Variants in GABRB1 observed in about 807,000 individuals in gnomAD.
The protein encoded by GABRB1 is gamma-aminobutyric acid receptor subunit beta-1.
In GABRB1, 17 loss-of-function variants were observed where a neutral mutation model predicts 51.6. The observed-to-expected ratio is 0.33, with a 90% CI of 0.23 to 0.49. The LOEUF is 0.49. GABRB1 is among the 20% of genes least tolerant of loss of function. The pLI, the probability that GABRB1 is intolerant of heterozygous loss-of-function variation, is 0.99. For synonymous variants in GABRB1, 247 were observed against 218.9 expected (o/e 1.13, Z -1.14); for missense variants, 410 against 600.6 (o/e 0.68, Z 3.32).
At chr4:47,341,825 G>A (rs763340362) in intron 5 of GABRB1, among the ~76,000 whole-genome samples, 3 of 152,046 alleles carry the variant, frequency 2.0e-5, no homozygotes, top group Non-Finnish European at 4.4e-5. Flanking sequence ...CAATAAATAG[G>A]TCACCTGGTC....
rs1578038141 is a variant in GABRB1 at position 47,254,366 on chromosome 4, T to G, written c.462-65761T>G. On this transcript the variant is annotated intron_variant, in intron 4 of 8. Coordinates refer to ENST00000295454, the MANE Select transcript of GABRB1 (RefSeq NM_000812.4). The stretch of plus-strand genomic sequence containing the variant: ...GGATGATGTTTCTTTTCTTTGTTTT[T>G]TTTTTTTTTTTTTTTTTTTTTTTTT... 1.7e-4 allele frequency among the ~76,000 whole-genome samples: 14 copies of G among 80,192 alleles called. 2 individuals are homozygous for G. In the South Asian group the frequency reaches 1.8e-3, roughly 10 times the overall value. 52.6% of individuals were successfully genotyped at this position (80,192 alleles called of 152,430 possible).
intron 4 of GABRB1, among the ~76,000 whole-genome samples, chr4:47,291,748 T>C (rs566359499): frequency 1.1e-4 from 16 of 152,306 alleles, no homozygotes; most frequent in African/African-American, 3.6e-4. Flanking sequence ...ATTTCAGACT[T>C]GCATGGACCC....
chr4:47,169,056 T>C (rs1433247048), intron 4 of GABRB1, among the ~76,000 whole-genome samples: 1 of 152,088 alleles, frequency 6.6e-6, no homozygotes, highest in African/African-American at 2.4e-5. Flanking sequence ...CTCTAAAGAC[T>C]CTATTTTCAA....
At chr4:47,312,037 TTGTGTGTGTGTGTGTG>T (rs36206411) in intron 4 of GABRB1, among the ~76,000 whole-genome samples, 2 of 140,760 alleles carry the variant, frequency 1.4e-5, no homozygotes, top group Non-Finnish European at 3.3e-5. Flanking sequence ...TACCCAAGGC[TTGTGTGTGTGTGTGTG>T]TGTGTGTGTG....
At chr4:47,294,506 G>C (rs1723886376) in intron 4 of GABRB1, among the ~76,000 whole-genome samples, 1 of 152,238 alleles carries the variant, frequency 6.6e-6, no homozygotes, top group African/African-American at 2.4e-5. Context: ...CTCATTGCTA[G>C]CACAGCAGTC....
chr4:47,128,375 T>C (rs1264757794), intron 3 of GABRB1, among the ~76,000 whole-genome samples: 1 of 151,772 alleles, frequency 6.6e-6, no homozygotes, highest in Non-Finnish European at 1.5e-5. Flanking sequence ...GAGGAAATAA[T>C]AAAGGTAGAA....
At chr4:47,349,823 A>G (rs184285874) in intron 5 of GABRB1, among the ~76,000 whole-genome samples, 2 of 152,316 alleles carry the variant, frequency 1.3e-5, no homozygotes, top group Admixed American at 6.5e-5. Flanking sequence ...ATAGATTTTG[A>G]TTCCCAGCTC....
At chr4:47,287,183 G>T (rs1289753244) in intron 4 of GABRB1, among the ~76,000 whole-genome samples, 1 of 152,192 alleles carries the variant, frequency 6.6e-6, no homozygotes, top group Non-Finnish European at 1.5e-5. Context: ...GAATTCAGGT[G>T]CTGAGGTTCT....
intron 3 of GABRB1, among the ~76,000 whole-genome samples, chr4:47,081,664 T>C (rs767088041): frequency 1.6e-4 from 24 of 152,112 alleles, no homozygotes; most frequent in Non-Finnish European, 2.9e-4. Context: ...TTTAATATGT[T>C]TTTATGTTTT....
chr4:47,289,066 T>A (rs997962478), intron 4 of GABRB1, among the ~76,000 whole-genome samples: 6 of 152,160 alleles, frequency 3.9e-5, no homozygotes, highest in Non-Finnish European at 7.3e-5. Flanking sequence ...AGTTTGTTTT[T>A]TGCTTCTGAG....
intron 5 of GABRB1, among the ~76,000 whole-genome samples, chr4:47,325,645 A>G (rs1028501046): frequency 3.9e-5 from 6 of 152,010 alleles, no homozygotes; most frequent in South Asian, 2.1e-4. Context: ...CTCATATCCC[A>G]TCATCATAAC....
At chr4:47,207,136 A>G (rs1163887798) in intron 4 of GABRB1, among the ~76,000 whole-genome samples, 1 of 151,964 alleles carries the variant, frequency 6.6e-6, no homozygotes, top group African/African-American at 2.4e-5. Flanking sequence ...TCAATTATTT[A>G]ACAGGACATT....
rs6289 is a variant in GABRB1, at chr4:47,406,692, A to C, written c.846A>C (p.Thr282=). The stretch of plus-strand genomic sequence containing the variant: ...CTTTCTCTTTCACAGGAATCACGAC[A>C]GTGCTTACAATGACAACCATCAGCA... ...SAARVALGIT[T]VLTMTTISTH... is the part of the protein sequence containing the mutation. The change falls in exon 8 of 9, where the codon ACA becomes ACC. Residue 282 remains threonine, a synonymous_variant. Coordinates refer to ENST00000295454, the MANE Select transcript of GABRB1 (RefSeq NM_000812.4). The C allele has an allele frequency of 6.2e-7, 1 of 1,613,672 alleles. No individual in the cohort carries two copies. Among genetic ancestry groups the C allele is most frequent in the African/African-American group, 1.3e-5 (1 of 74,866 alleles).
intron 5 of GABRB1, among the ~76,000 whole-genome samples, chr4:47,350,214 T>TAGAGAGAGAGAGAG (rs1477528549): frequency 5.0e-5 from 4 of 79,722 alleles, no homozygotes; most frequent in East Asian, 5.0e-4. Flanking sequence ...TATATATATA[T>TAGAGAGAGAGAGAG]ATATAGAGAG....
chr4:47,077,277 TC>T (rs1035203321), intron 3 of GABRB1, among the ~76,000 whole-genome samples: 43 of 152,306 alleles, frequency 2.8e-4, no homozygotes, highest in African/African-American at 9.9e-4. Context: ...ACACCCTTAT[TC>T]CTTAGCTTGT....
intron 4 of GABRB1, among the ~76,000 whole-genome samples, chr4:47,282,674 C>T (rs1723337799): frequency 6.6e-6 from 1 of 152,116 alleles, no homozygotes; most frequent in African/African-American, 2.4e-5. Flanking sequence ...CTTAACCATA[C>T]TTCTGATTAC....
chr4:47,344,974 C>T (rs1189896177), intron 5 of GABRB1, among the ~76,000 whole-genome samples: 1 of 152,172 alleles, frequency 6.6e-6, no homozygotes, highest in African/African-American at 2.4e-5. Context: ...CCGCCTGCCT[C>T]AGCCTCCCAA....
chr4:47,204,330 T>C (rs897191372), intron 4 of GABRB1, among the ~76,000 whole-genome samples: 3 of 152,126 alleles, frequency 2.0e-5, no homozygotes, highest in Non-Finnish European at 2.9e-5. Flanking sequence ...ACAGCACTAA[T>C]TGGACAAATG....
chr4:47,261,134 T>C (rs1373126746), intron 4 of GABRB1, among the ~76,000 whole-genome samples: 1 of 152,172 alleles, frequency 6.6e-6, no homozygotes, highest in Non-Finnish European at 1.5e-5. Context: ...CTTTGAAAAC[T>C]GGCACAAGAC....
Sources: allele counts gnomAD v4.1 joint callset (sites outside exome capture counted in the v4.1 genomes callset), GRCh38; gene constraint gnomAD v4.1.1; transcripts MANE v1.5; gene names NCBI Gene and HGNC (gene_info 2026-07-23, HGNC 2026-07-21).